Variants in MLC1 observed in about 807,000 individuals in gnomAD.
The protein encoded by MLC1 is membrane protein MLC1.
In MLC1, 32 loss-of-function variants were observed where a neutral mutation model predicts 44.7. The ratio of observed to expected loss-of-function variants is 0.72; its 90% CI spans 0.54 to 0.96. MLC1 has a LOEUF of 0.96. Among genes scored for constraint, MLC1 ranks in the 40% least tolerant of loss-of-function variants. MLC1 has a pLI of 0.00. For missense variants in MLC1, 459 were observed against 492.2 expected (o/e 0.93, Z 0.64); for synonymous variants, 190 against 213.0 (o/e 0.89, Z 0.94).
chr22:50,070,697 G>T, intron 8 of MLC1, 114 bp from the exon 9 acceptor site: 4 of 1,167,932 alleles, frequency 3.4e-6, no homozygotes, highest in Non-Finnish European at 4.9e-6. Flanking sequence ...CTGGCTTGCT[G>T]TGGGGGGCAG....
At position 50,083,030 on chromosome 22, in the gene MLC1, G is replaced by A; in HGVS notation, c.267+54C>T. 2.0e-6 allele frequency: 3 copies of A among 1,534,936 alleles called. No individual in the cohort carries two copies. The South Asian group carries it at 3.4e-5, about 17-fold the overall frequency. ...TGCACATCTCAGAACAAAGAAACCA[G>A]AGCACGTGCCGGCGAGCTTGGGCAC... On this transcript the variant is annotated intron_variant, in intron 3 of 11. Coordinates refer to ENST00000311597, the MANE Select transcript of MLC1 (RefSeq NM_015166.4). This position sits in a 1 kb window ranked among gnomAD's most constrained non-coding sequence, Gnocchi z 4.6.
chr22:50,078,178 G>C (rs145423455), intron 5 of MLC1, among the ~76,000 whole-genome samples: 2,946 of 151,926 alleles, frequency 0.019, 51 homozygotes, highest in Non-Finnish European at 0.031. Flanking sequence ...TTTTAGTAGA[G>C]AGGGGTTTCT....
chr22:50,082,167 G>A (rs1304360483), intron 3 of MLC1, among the ~76,000 whole-genome samples: 1 of 151,742 alleles, frequency 6.6e-6, no homozygotes, highest in Non-Finnish European at 1.5e-5. Flanking sequence ...CAGGAGGGGC[G>A]TGGGGTCCGC....
At chr22:50,081,413 A>G (rs2062138936) in intron 3 of MLC1, among the ~76,000 whole-genome samples, 1 of 152,254 alleles carries the variant, frequency 6.6e-6, no homozygotes, top group Non-Finnish European at 1.5e-5. Flanking sequence ...AAGACTCTGC[A>G]TGTGAGGGAG....
rs892667711 is a variant in MLC1, at chr22:50,060,805, G to A, written c.*778C>T. 9.8e-5 allele frequency: 11 copies of A among 111,712 alleles called. 1 individual carries two copies. Among genetic ancestry groups the A allele is most frequent in the African/African-American group, 2.8e-4 (8 of 28,534 alleles). 6.9% of individuals were successfully genotyped at this position (111,712 alleles called of 1,614,324 possible). A position where few individuals can be genotyped will look rare whatever the true frequency, so the allele number is the denominator to read the frequency against. ...TGACAGTGCCCGGGACGTGGGCAGCGGCCACGTGGCACTCCAAGCTGGGCA... is the reference window on the plus strand; with the variant it reads ...TGACAGTGCCCGGGACGTGGGCAGCAGCCACGTGGCACTCCAAGCTGGGCA... On this transcript the variant is annotated 3_prime_UTR_variant, in exon 12 of 12. Transcript: ENST00000311597.
chr22:50,080,006 T>C lies in MLC1; in HGVS notation c.335A>G (p.Gln112Arg). 1 of 1,613,754 alleles carries C rather than the reference T, an allele frequency of 6.2e-7. No homozygotes were observed. Among genetic ancestry groups the C allele is most frequent in the Non-Finnish European group, 8.5e-7 (1 of 1,179,606 alleles). ...RRNANVIPNF[Q>R]ILFVSTFAVT... ...AGCAAACGTGGAAACAAACAATATC[T>C]GAAAGTTGGGAATCTGAAAAACAAG... The change falls in exon 5 of 12, where the codon CAG becomes CGG. Residue 112 changes from glutamine to arginine, a missense_variant. Gln to Arg is a conservative substitution (Grantham distance 43). Transcript: ENST00000311597.
intron 7 of MLC1, among the ~76,000 whole-genome samples, chr22:50,076,182 C>CAT (rs3041367): frequency 0.14 from 21,801 of 152,078 alleles, 1,728 homozygotes; most frequent in Admixed American, 0.21. Context: ...GAGAGAATGA[C>CAT]AAGATAAAGA....
intron 3 of MLC1, 47 bp from the exon 4 acceptor site, chr22:50,080,444 C>G: frequency 6.5e-7 from 1 of 1,541,702 alleles, no homozygotes. Context: ...ACCTGAGCAA[C>G]TGAGACTCTG....
rs1233558303 is a variant in MLC1 at position 50,063,947 on chromosome 22, C to T, written c.1059+87G>A. The T allele has an allele frequency of 4.2e-6, 6 of 1,424,164 alleles. 1 individual carries two copies. The highest frequency in any genetic ancestry group is 2.5e-5 in the East Asian group (1 of 40,176). 88.2% of individuals were successfully genotyped at this position (1,424,164 alleles called of 1,614,324 possible). A position where few individuals can be genotyped will look rare whatever the true frequency, so the allele number is the denominator to read the frequency against. ...GCCACTCACCTCCCCAGCTTCCCCC[C>T]ACCCCACAGGCTTCTCACCTCCCTG... is the stretch of plus-strand genomic sequence containing the variant. On this transcript the variant is annotated intron_variant, in intron 11 of 11. Coordinates refer to ENST00000311597, the MANE Select transcript of MLC1 (RefSeq NM_015166.4).
intron 11 of MLC1, among the ~76,000 whole-genome samples, chr22:50,062,403 T>C (rs2061590986): frequency 6.6e-6 from 1 of 152,196 alleles, no homozygotes; most frequent in South Asian, 2.1e-4. Context: ...TGGGCCTTGC[T>C]GGTCACAACA....
intron 3 of MLC1, among the ~76,000 whole-genome samples, chr22:50,081,688 G>A (rs1439895179): frequency 6.6e-6 from 1 of 152,268 alleles, no homozygotes; most frequent in African/African-American, 2.4e-5. Flanking sequence ...AAGCCCCGTC[G>A]GGGCCTGAGC....
chr22:50,074,738 G>C, intron 7 of MLC1: 2 of 297,912 alleles, frequency 6.7e-6, no homozygotes, highest in Middle Eastern at 1.2e-3. Flanking sequence ...GGCAGAAGTA[G>C]CTTCCCATAG....
chr22:50,067,549 A>C (rs111229565), intron 10 of MLC1, among the ~76,000 whole-genome samples: 5 of 13,662 alleles, frequency 3.7e-4, no homozygotes, highest in Non-Finnish European at 4.0e-4. Context: ...CCATCCCCCC[A>C]TCAGGCAGTG....
In MLC1 at chr22:50,083,625, C is replaced by T. The variant is rs1391787173; in HGVS notation, c.178-452G>A. On this transcript the variant is annotated intron_variant, in intron 2 of 11. Coordinates refer to ENST00000311597, the MANE Select transcript of MLC1 (RefSeq NM_015166.4). The surrounding 1 kb of genome is among the most constrained non-coding windows in gnomAD (Gnocchi z 4.6). ...AGATCTGGAAGAAGATCCCTCCAGG[C>T]AGGGGCTCCAGGCCCAGGGGCTCCT... is the stretch of plus-strand genomic sequence containing the variant. Among the ~76,000 whole-genome samples the T allele has an allele frequency of 6.6e-6, 1 of 152,216 alleles. No homozygotes were observed. The highest frequency in any genetic ancestry group is 2.4e-5 in the African/African-American group (1 of 41,458).
chr22:50,063,976 G>A, intron 11 of MLC1, 58 bp downstream of exon 11: 1 of 1,458,430 alleles, frequency 6.9e-7, no homozygotes, highest in Middle Eastern at 2.4e-4. Flanking sequence ...CTCCCTGGCT[G>A]GGCACCCCCG....
chr22:50,069,993 G>T (rs2061809575), intron 9 of MLC1, among the ~76,000 whole-genome samples: 1 of 152,062 alleles, frequency 6.6e-6, no homozygotes, highest in Admixed American at 6.6e-5. Flanking sequence ...CCTGAGGTCA[G>T]GAGTTCGAGA....
rs765879182 is a variant in MLC1 at position 50,080,343 on chromosome 22, C to T, written c.321+1G>A. On this transcript the variant is annotated splice_donor_variant, in intron 4 of 11. Coordinates refer to ENST00000311597, the MANE Select transcript of MLC1 (RefSeq NM_015166.4). LOFTEE classifies it high-confidence loss of function. ...AGAGGCTGCCTGCAAGCTAGACTCA[C>T]CACATTGGCGTTCCTCCTGGAGACG... 3 of 1,606,656 alleles carry T rather than the reference C, an allele frequency of 1.9e-6. No homozygotes were observed. Among genetic ancestry groups the T allele is most frequent in the African/African-American group, 2.7e-5 (2 of 74,816 alleles).
chr22:50,065,273 AC>A (rs2146782163), intron 10 of MLC1, among the ~76,000 whole-genome samples: 2 of 152,138 alleles, frequency 1.3e-5, no homozygotes, highest in African/African-American at 4.8e-5. Context: ...GCTGGAGTTT[AC>A]CCTGGAGGAT....
intron 2 of MLC1, among the ~76,000 whole-genome samples, chr22:50,084,478 T>A (rs1351149451): frequency 6.6e-6 from 1 of 152,190 alleles, no homozygotes; most frequent in African/African-American, 2.4e-5. Flanking sequence ...GGACTGTCCC[T>A]ACCCTGGTGG....
Sources: allele counts gnomAD v4.1 joint callset (sites outside exome capture counted in the v4.1 genomes callset), GRCh38; gene constraint gnomAD v4.1.1; non-coding constraint Gnocchi (gnomAD v3.1); transcripts MANE v1.5; gene names NCBI Gene and HGNC (gene_info 2026-07-23, HGNC 2026-07-21).